The following SUPT3H variants were observed in gnomAD, a reference collection of about 807,000 sequenced individuals.
SUPT3H encodes transcription initiation protein SPT3 homolog.
A neutral mutation model predicts 44.3 loss-of-function variants in SUPT3H; 44 were observed. The ratio of observed to expected loss-of-function variants is 0.99; its 90% CI spans 0.78 to 1.28. The LOEUF is 1.28. SUPT3H is among the 50% of genes most tolerant of loss of function. SUPT3H has a pLI of 0.00. For synonymous variants in SUPT3H, 124 were observed against 125.6 expected (o/e 0.99, Z 0.09); for missense variants, 380 against 387.1 (o/e 0.98, Z 0.15).
At chr6:45,280,744 C>A (rs927247474) in intron 2 of SUPT3H, among the ~76,000 whole-genome samples, 2 of 152,080 alleles carry the variant, frequency 1.3e-5, no homozygotes, top group Admixed American at 6.5e-5. Flanking sequence ...AGTGGCTTCA[C>A]CTAGAGTGGT....
intron 6 of SUPT3H, among the ~76,000 whole-genome samples, chr6:44,975,038 G>C (rs1028717770): frequency 3.3e-5 from 5 of 152,120 alleles, no homozygotes; most frequent in African/African-American, 7.2e-5. Flanking sequence ...GGGCATGGTG[G>C]TGGGTGCCTG....
chr6:44,869,140 G>A (rs925888199), intron 10 of SUPT3H, among the ~76,000 whole-genome samples: 1 of 152,186 alleles, frequency 6.6e-6, no homozygotes, highest in Non-Finnish European at 1.5e-5. Context: ...AGCAGTGCCA[G>A]CTCTTGTCCA....
chr6:45,020,102 T>C (rs1354001851), intron 4 of SUPT3H, among the ~76,000 whole-genome samples: 5 of 152,014 alleles, frequency 3.3e-5, no homozygotes, highest in African/African-American at 9.7e-5. Flanking sequence ...TTAATTTACT[T>C]TTTTCAATAA....
At chr6:44,922,721 C>T (rs1264191402) in intron 10 of SUPT3H, among the ~76,000 whole-genome samples, 1 of 152,018 alleles carries the variant, frequency 6.6e-6, no homozygotes, top group Non-Finnish European at 1.5e-5. Flanking sequence ...AATATTTTTG[C>T]TAGGTCAACA....
chr6:45,246,777 T>C (rs1183204481), intron 2 of SUPT3H, among the ~76,000 whole-genome samples: 8 of 152,232 alleles, frequency 5.3e-5, no homozygotes, highest in South Asian at 2.1e-4. Flanking sequence ...ACACATATTT[T>C]TAACTAAATG....
At chr6:45,278,543 C>G (rs1291539571) in intron 2 of SUPT3H, among the ~76,000 whole-genome samples, 1 of 152,188 alleles carries the variant, frequency 6.6e-6, no homozygotes, top group African/African-American at 2.4e-5. Flanking sequence ...ATGACTTCAT[C>G]TTCTTTTGGA....
intron 2 of SUPT3H, among the ~76,000 whole-genome samples, chr6:45,253,848 C>CATATATATATATATAT (rs34256293): frequency 0.026 from 2,270 of 88,318 alleles, 83 homozygotes; most frequent in African/African-American, 0.046. Flanking sequence ...CACATATACG[C>CATATATATATATATAT]ATATATATAT....
intron 2 of SUPT3H, among the ~76,000 whole-genome samples, chr6:45,302,991 C>A (rs1167603148): frequency 6.6e-6 from 1 of 152,080 alleles, no homozygotes; most frequent in Non-Finnish European, 1.5e-5. Flanking sequence ...GTCAACTGAT[C>A]TTCAACAAAC....
intron 3 of SUPT3H, among the ~76,000 whole-genome samples, chr6:45,089,326 C>T (rs1351802508): frequency 2.0e-5 from 3 of 151,944 alleles, no homozygotes; most frequent in Non-Finnish European, 2.9e-5. Context: ...GATGTTCTTC[C>T]CTTTTACAAT....
intron 2 of SUPT3H, among the ~76,000 whole-genome samples, chr6:45,158,277 T>TAC (rs1473529804): frequency 4.4e-5 from 1 of 22,732 alleles, no homozygotes; most frequent in Admixed American, 3.0e-4. Flanking sequence ...TAAATATACA[T>TAC]ATATATATAT....
intron 3 of SUPT3H, among the ~76,000 whole-genome samples, chr6:45,062,266 GA>G (rs36032245): frequency 7.2e-5 from 11 of 151,876 alleles, no homozygotes; most frequent in African/African-American, 2.7e-4. Flanking sequence ...AATAACATTT[GA>G]AAAAGTTGAA....
At chr6:45,115,670 A>G (rs1003326462) in intron 2 of SUPT3H, among the ~76,000 whole-genome samples, 1 of 152,212 alleles carries the variant, frequency 6.6e-6, no homozygotes. Flanking sequence ...CTAAGATTTT[A>G]GAACTCCAAA....
intron 3 of SUPT3H, among the ~76,000 whole-genome samples, chr6:45,102,698 T>G (rs1224368281): frequency 4.3e-4 from 66 of 152,126 alleles, no homozygotes; most frequent in Admixed American, 4.3e-3. Context: ...TCGCAGCACT[T>G]TGGGAGGCTG....
chr6:44,813,553 C>A (rs1766684676), intron 11 of SUPT3H, among the ~76,000 whole-genome samples: 1 of 140,120 alleles, frequency 7.1e-6, no homozygotes. Context: ...ATAGGCAAAG[C>A]AGGAGGCACT....
intron 2 of SUPT3H, among the ~76,000 whole-genome samples, chr6:45,274,113 A>C (rs975758144): frequency 1.3e-5 from 2 of 152,208 alleles, no homozygotes; most frequent in Non-Finnish European, 2.9e-5. Flanking sequence ...AGAAAAGTCT[A>C]TTCAGATCCT....
chr6:45,029,434 T>C (rs2153522964), intron 3 of SUPT3H, among the ~76,000 whole-genome samples: 1 of 151,454 alleles, frequency 6.6e-6, no homozygotes, highest in African/African-American at 2.4e-5. Flanking sequence ...TTACAATCAA[T>C]GTGACCTCTA....
chr6:44,846,688 G>C (rs1278939339), intron 10 of SUPT3H, among the ~76,000 whole-genome samples: 1 of 151,886 alleles, frequency 6.6e-6, no homozygotes, highest in Non-Finnish European at 1.5e-5. Flanking sequence ...CTGGAGTGCA[G>C]TGGCGCAATA....
chr6:44,888,254 G>A (rs1339773150), intron 10 of SUPT3H, among the ~76,000 whole-genome samples: 3 of 152,056 alleles, frequency 2.0e-5, no homozygotes, highest in Admixed American at 6.6e-5. Context: ...AATCCTCCCT[G>A]ACTCATTTTA....
chr6:44,992,670 T>C (rs2153499305), intron 6 of SUPT3H, among the ~76,000 whole-genome samples: 1 of 152,150 alleles, frequency 6.6e-6, no homozygotes, highest in South Asian at 2.1e-4. Flanking sequence ...AAGAAAGGAA[T>C]AGGGGGAAGA....
Sources: allele counts gnomAD v4.1 joint callset (sites outside exome capture counted in the v4.1 genomes callset), GRCh38; gene constraint gnomAD v4.1.1; transcripts MANE v1.5; gene names NCBI Gene and HGNC (gene_info 2026-07-23, HGNC 2026-07-21).